The following CCDC91 variants were observed in gnomAD, a reference collection of about 807,000 sequenced individuals.
CCDC91 encodes coiled-coil domain-containing protein 91.
In CCDC91, 48 loss-of-function variants were observed where a neutral mutation model predicts 63.2. The observed-to-expected ratio is 0.76, with a 90% CI of 0.60 to 0.97. CCDC91 has a LOEUF of 0.97. Ranked by LOEUF, CCDC91 falls within the 50% of genes least tolerant of loss-of-function variation. The pLI is 0.00. For synonymous variants in CCDC91, 167 were observed against 165.8 expected (o/e 1.01, Z -0.06); for missense variants, 500 against 494.6 (o/e 1.01, Z -0.10).
At chr12:28,392,439 G>A (rs995306929) in intron 8 of CCDC91, among the ~76,000 whole-genome samples, 5 of 152,030 alleles carry the variant, frequency 3.3e-5, no homozygotes, top group Non-Finnish European at 5.9e-5. Flanking sequence ...TTGTAATTGC[G>A]ACGTGGAACA....
chr12:28,471,307 A>G (rs746407307), intron 11 of CCDC91, among the ~76,000 whole-genome samples: 14 of 152,342 alleles, frequency 9.2e-5, no homozygotes, highest in Non-Finnish European at 1.5e-4. Context: ...ATACCTATAT[A>G]TGAACAAACT....
chr12:28,532,387 T>A (rs1204043193), intron 12 of CCDC91, among the ~76,000 whole-genome samples: 2 of 152,122 alleles, frequency 1.3e-5, no homozygotes, highest in African/African-American at 4.8e-5. Context: ...AAATTGTAAT[T>A]TAATGTCTAA....
At chr12:28,326,422 T>C (rs1280372554) in intron 6 of CCDC91, among the ~76,000 whole-genome samples, 1 of 151,712 alleles carries the variant, frequency 6.6e-6, no homozygotes, top group Non-Finnish European at 1.5e-5. Context: ...TATTATACTT[T>C]AAGTTTTAGG....
At chr12:28,215,943 T>A (rs1010055238) in intron 1 of CCDC91, among the ~76,000 whole-genome samples, 5 of 152,128 alleles carry the variant, frequency 3.3e-5, no homozygotes, top group African/African-American at 1.2e-4. Context: ...TGGTTAAAGA[T>A]TTAATATACT....
At chr12:28,479,756 C>G (rs150061761) in intron 11 of CCDC91, among the ~76,000 whole-genome samples, 1,906 of 151,950 alleles carry the variant, frequency 0.013, 25 homozygotes, top group Non-Finnish European at 0.02. Context: ...AATACTTTGC[C>G]CATATAGGAA....
At chr12:28,536,666 G>T (rs1006009127) in intron 12 of CCDC91, among the ~76,000 whole-genome samples, 4 of 152,142 alleles carry the variant, frequency 2.6e-5, no homozygotes, top group Non-Finnish European at 5.9e-5. Context: ...GAGTTAGCAT[G>T]TGTAAATTGC....
At chr12:28,536,890 A>G (rs1354130708) in intron 12 of CCDC91, among the ~76,000 whole-genome samples, 1 of 152,182 alleles carries the variant, frequency 6.6e-6, no homozygotes, top group East Asian at 1.9e-4. Flanking sequence ...AAACTGGTGA[A>G]TAGAAAATGA....
At chr12:28,506,543 G>T (rs1938737112) in intron 12 of CCDC91, among the ~76,000 whole-genome samples, 1 of 151,930 alleles carries the variant, frequency 6.6e-6, no homozygotes, top group Admixed American at 6.6e-5. Context: ...AATAAATGCT[G>T]GAAGCTAAAA....
intron 1 of CCDC91, among the ~76,000 whole-genome samples, chr12:28,202,098 G>A (rs116568125): frequency 1.3e-5 from 2 of 151,288 alleles, no homozygotes; most frequent in Non-Finnish European, 3.0e-5. Context: ...CACAATGTTT[G>A]TTTCTTTATT....
intron 7 of CCDC91, among the ~76,000 whole-genome samples, chr12:28,385,936 G>C (rs1200413484): frequency 6.6e-6 from 1 of 152,102 alleles, no homozygotes; most frequent in Non-Finnish European, 1.5e-5. Context: ...TTAACAGTTG[G>C]GGTGGTGTGG....
intron 7 of CCDC91, among the ~76,000 whole-genome samples, chr12:28,384,136 T>A (rs867793720): frequency 2.0e-5 from 3 of 152,144 alleles, no homozygotes; most frequent in African/African-American, 7.2e-5. Context: ...AGTCTTTTTT[T>A]AACCAGTCTC....
At chr12:28,285,524 T>A (rs535209224) in intron 3 of CCDC91, among the ~76,000 whole-genome samples, 1 of 151,996 alleles carries the variant, frequency 6.6e-6, no homozygotes, top group South Asian at 2.1e-4. Context: ...ATAATGAGCT[T>A]GGAATTGGAA....
intron 12 of CCDC91, among the ~76,000 whole-genome samples, chr12:28,544,034 G>T (rs796912391): frequency 6.6e-6 from 1 of 150,754 alleles, no homozygotes; most frequent in Non-Finnish European, 1.5e-5. Context: ...CTCTTGTCCC[G>T]CTACAGTCTG....
At chr12:28,476,456 A>T (rs919019774) in intron 11 of CCDC91, among the ~76,000 whole-genome samples, 3 of 152,166 alleles carry the variant, frequency 2.0e-5, no homozygotes, top group Non-Finnish European at 4.4e-5. Context: ...AATCTCTGGG[A>T]CACATTTAAA....
chr12:28,192,820 G>A (rs1157370432), intron 1 of CCDC91, among the ~76,000 whole-genome samples: 1 of 152,026 alleles, frequency 6.6e-6, no homozygotes, highest in Admixed American at 6.6e-5. Flanking sequence ...TTATTATATT[G>A]CTGTATAAAG....
At chr12:28,346,864 T>C (rs1426408788) in intron 6 of CCDC91, among the ~76,000 whole-genome samples, 1 of 152,182 alleles carries the variant, frequency 6.6e-6, no homozygotes, top group Non-Finnish European at 1.5e-5. Context: ...TCCCTTGATG[T>C]TGGGGGACGG....
At chr12:28,495,188 G>A (rs1952213268) in intron 12 of CCDC91, among the ~76,000 whole-genome samples, 2 of 151,690 alleles carry the variant, frequency 1.3e-5, no homozygotes, top group African/African-American at 4.8e-5. Flanking sequence ...TGATATTATT[G>A]CGATAGACGT....
chr12:28,487,803 A>G (rs148189422), intron 12 of CCDC91, among the ~76,000 whole-genome samples: 146 of 151,938 alleles, frequency 9.6e-4, no homozygotes, highest in African/African-American at 3.2e-3. Flanking sequence ...GAAGAAGTCT[A>G]CTTGTATTAG....
chr12:28,511,137 T>A (rs956896271), intron 12 of CCDC91, among the ~76,000 whole-genome samples: 1 of 151,850 alleles, frequency 6.6e-6, no homozygotes. Flanking sequence ...GTCAAATCTG[T>A]CTTCAGAATA....
Sources: gnomAD v4.1 joint callset for allele counts (sites outside exome capture counted in the v4.1 genomes callset) on GRCh38, gnomAD v4.1.1 for gene constraint, MANE v1.5 for transcripts, NCBI Gene and HGNC (gene_info 2026-07-23, HGNC 2026-07-21) for gene names.